The following SGCA variants were observed in gnomAD, a reference collection of about 807,000 sequenced individuals.
The protein encoded by SGCA is sarcoglycan alpha, also known as alpha-sarcoglycan.
A neutral mutation model predicts 38.1 loss-of-function variants in SGCA; 34 were observed. That is an observed-to-expected ratio of 0.89 (90% CI 0.68 to 1.19). The LOEUF (loss-of-function observed/expected upper bound fraction) is 1.19. Among genes scored for constraint, SGCA ranks in the 50% most tolerant of loss-of-function variants. SGCA has a pLI of 0.00. For synonymous variants in SGCA, 209 were observed against 214.6 expected, an observed-to-expected ratio of 0.97 and a Z score of 0.23; for missense variants, 476 against 524.9, an observed-to-expected ratio of 0.91 and a Z score of 0.91.
chr17:50,175,749 C>T lies in SGCA; in HGVS notation c.*50C>T. The T allele has an allele frequency of 1.7e-6, 1 of 577,108 alleles. No homozygotes were observed. The highest frequency in any genetic ancestry group is 1.5e-5 in the South Asian group (1 of 65,632). The allele number at this position is 577,108 out of a possible 1,614,324, so 35.7% of individuals were successfully genotyped here. A position where few individuals can be genotyped will look rare whatever the true frequency, so the allele number is the denominator to read the frequency against. On this transcript the variant is annotated 3_prime_UTR_variant, in exon 10 of 10. Coordinates refer to ENST00000262018, the MANE Select transcript of SGCA (RefSeq NM_000023.4). Reference sequence around the variant, plus strand: ...CAGCCCTGACTTCATCCTCCCTTCTCTGTCCACACCACGAGTGGCACATCC... The same window carrying T: ...CAGCCCTGACTTCATCCTCCCTTCTTTGTCCACACCACGAGTGGCACATCC...
Position 50,167,685 on chromosome 17 carries a change from C to A in SGCA, c.261C>A (p.Gly87=). The A allele has an allele frequency of 1.2e-6, 2 of 1,613,852 alleles. No homozygotes were observed. The highest frequency in any genetic ancestry group is 2.2e-5 in the South Asian group (2 of 91,070). ...RYTQRSPHHP[G]FLYGSATPED... is the part of the protein sequence containing the mutation. ...CCCAGCGCAGCCCCCACCACCCTGG[C>A]TTCCTCTACGGCTCTGCCACCCCAG... Residue 87 remains glycine (G), a synonymous_variant, in exon 3 of 10, where the codon GGC becomes GGA. Coordinates refer to ENST00000262018, the MANE Select transcript of SGCA (RefSeq NM_000023.4). This position sits in a 1 kb window ranked among gnomAD's most constrained non-coding sequence, Gnocchi z 4.5.
At chr17:50,166,937 A>G (rs1291413929) in intron 1 of SGCA, among the ~76,000 whole-genome samples, 8 of 82,524 alleles carry the variant, frequency 9.7e-5, no homozygotes, top group Admixed American at 1.6e-4. Context: ...TCACACACAC[A>G]CACCCTCACA....
rs138019537 is a variant in SGCA at position 50,170,159 on chromosome 17, C to T, written c.764C>T (p.Pro255Leu). 9.9e-5 allele frequency: 159 copies of T among 1,614,070 alleles called. No homozygotes were observed. The Admixed American group carries it at 1.2e-3, about 12-fold the overall frequency. The change falls in exon 7 of 10, where the codon CCG becomes CTG. Residue 255 changes from proline to leucine, a missense_variant. Coordinates refer to ENST00000262018, the MANE Select transcript of SGCA (RefSeq NM_000023.4). ...CNVTLVDKSV[P>L]EPADEVPTPG... ...TCTGTGCAGGTGGATAAGTCAGTGC[C>T]GGAGCCTGCAGATGAGGTGCCCACC...
rs1197751622 is a variant in SGCA at position 50,168,433 on chromosome 17, C to T, written c.445C>T (p.Leu149=). ...GCGCAGCCACGATGCGGAGGAGGTG[C>T]TGCCCTCAACACCTGCCAGCCGCTT... is the stretch of plus-strand genomic sequence containing the variant. The part of the protein sequence containing the change: ...LVRSHDAEEV[L]PSTPASRFLS... The change falls in exon 5 of 10, where the codon CTG becomes TTG. Residue 149 remains leucine, a synonymous_variant. Transcript: ENST00000262018. The T allele has an allele frequency of 4.4e-6, 7 of 1,590,764 alleles. No homozygotes were observed. The highest frequency in any genetic ancestry group is 1.3e-5 in the African/African-American group (1 of 74,630).
intron 8 of SGCA, among the ~76,000 whole-genome samples, chr17:50,173,501 G>C (rs1232607444): frequency 6.6e-6 from 1 of 152,132 alleles, no homozygotes; most frequent in Non-Finnish European, 1.5e-5. Context: ...GCCACTGCGG[G>C]GTCTGGCCTC....
chr17:50,170,400 C>A (rs2144501506), intron 7 of SGCA, 49 bp downstream of exon 7: 1 of 1,548,458 alleles, frequency 6.5e-7, no homozygotes, highest in South Asian at 1.1e-5. Flanking sequence ...AGCTCACACC[C>A]ATGGGACTCA....
Position 50,167,325 on chromosome 17 carries a change from C to T in SGCA, c.38-43C>T. On this transcript the variant is annotated intron_variant, in intron 1 of 9. Coordinates refer to ENST00000262018, the MANE Select transcript of SGCA (RefSeq NM_000023.4). The surrounding 1 kb of genome is among the most constrained non-coding windows in gnomAD (Gnocchi z 4.5). Reference sequence around the variant, plus strand: ...AAGGGAGCTTATCCCCTGCCCAGGACTGAGGCTGGCCTGTGTGTTTGGGAC... The same window carrying T: ...AAGGGAGCTTATCCCCTGCCCAGGATTGAGGCTGGCCTGTGTGTTTGGGAC... 1.2e-6 allele frequency: 2 copies of T among 1,613,622 alleles called. No homozygotes were observed. Among genetic ancestry groups the T allele is most frequent in the Non-Finnish European group, 1.7e-6 (2 of 1,179,914 alleles).
rs371240005 is a variant in SGCA, at chr17:50,170,379, G to T, written c.956+28G>T. On this transcript the variant is annotated intron_variant, in intron 7 of 9. Coordinates refer to ENST00000262018, the MANE Select transcript of SGCA (RefSeq NM_000023.4). ...GAATGTGGGCATGAAGGGCGGGGGAGCACCTGCTGGAGCTCACACCCATGG... is the reference window on the plus strand; with the variant it reads ...GAATGTGGGCATGAAGGGCGGGGGATCACCTGCTGGAGCTCACACCCATGG... 24 of 1,598,930 alleles carry T rather than the reference G, an allele frequency of 1.5e-5. No individual in the cohort carries two copies. The African/African-American group carries it at 2.7e-4, about 18-fold the overall frequency.
In SGCA at chr17:50,167,483, T is replaced by C; in HGVS notation, c.153T>C (p.His51=). The change falls in exon 2 of 10, where the codon CAT becomes CAC. Residue 51 remains histidine (H), a synonymous_variant. Transcript: ENST00000262018. This position sits in a 1 kb window ranked among gnomAD's most constrained non-coding sequence, Gnocchi z 4.5. ...AGACGTTTCTGAGCCTTCCTGAGCA[T>C]GTCGGTGAGCGGCCTGACAGGCACC... ...DHETFLSLPE[H]VAVPPAVHIT... 1.2e-6 allele frequency: 2 copies of C among 1,614,164 alleles called. No homozygotes were observed. The highest frequency in any genetic ancestry group is 1.7e-6 in the Non-Finnish European group (2 of 1,180,014).
Position 50,167,980 on chromosome 17 carries a change from A to ACTCGG in SGCA, c.348_352dup (p.Gln118LeufsTer95), listed in dbSNP as rs752640127. The stretch of plus-strand genomic sequence containing the variant: ...CTACAATCGGGACAGCTTTGATACC[A>ACTCGG]CTCGGCAGAGGCTGGTGCTGGAGAT... On this transcript the variant is annotated frameshift_variant, in exon 4 of 10. Coordinates refer to ENST00000262018, the MANE Select transcript of SGCA (RefSeq NM_000023.4). LOFTEE classifies it high-confidence loss of function. The surrounding 1 kb of genome is among the most constrained non-coding windows in gnomAD (Gnocchi z 4.5). 3.8e-5 allele frequency: 61 copies of ACTCGG among 1,613,836 alleles called. No homozygotes were observed. Among genetic ancestry groups the ACTCGG allele is most frequent in the Non-Finnish European group, 4.9e-5 (58 of 1,180,040 alleles).
intron 7 of SGCA, 31 bp downstream of exon 7, chr17:50,170,382 C>T: frequency 1.3e-6 from 2 of 1,593,362 alleles, no homozygotes. Context: ...CGGGGGAGCA[C>T]CTGCTGGAGC....
intron 4 of SGCA, among the ~76,000 whole-genome samples, 157 bp from the exon 5 acceptor site, chr17:50,168,217 C>T (rs1905090633): frequency 6.6e-6 from 1 of 152,196 alleles, no homozygotes; most frequent in South Asian, 2.1e-4. Context: ...CGCTGCGTTG[C>T]AGAGACTATT....
chr17:50,166,106 GC>G (rs1904778203), intron 1 of SGCA, 29 bp downstream of exon 1: 1 of 1,593,420 alleles, frequency 6.3e-7, no homozygotes, highest in Non-Finnish European at 8.6e-7. Context: ...CAGCGGGGAG[GC>G]CCAGGATGAG....
intron 4 of SGCA, 93 bp downstream of exon 4, chr17:50,168,112 G>A (rs1905082332): frequency 8.3e-7 from 1 of 1,199,430 alleles, no homozygotes; most frequent in Non-Finnish European, 1.2e-6. Flanking sequence ...GGAGAGGCTT[G>A]GAGAGGAGTG....
chr17:50,171,075 A>G (rs112486992), intron 8 of SGCA, among the ~76,000 whole-genome samples: 1,591 of 152,246 alleles, frequency 0.01, 31 homozygotes, highest in African/African-American at 0.036. Flanking sequence ...CAAAAAAGAA[A>G]AGCCTGTTGT....
At chr17:50,171,352 G>A in intron 8 of SGCA, 1 of 365,952 alleles carries the variant, frequency 2.7e-6, no homozygotes, top group South Asian at 2.0e-5. Flanking sequence ...CCCTACTCAT[G>A]GCCTTACCCC....
chr17:50,175,744 C>T lies in SGCA; in HGVS notation c.*45C>T. Reference sequence around the variant, plus strand: ...AGGTCCAGCCCTGACTTCATCCTCCCTTCTCTGTCCACACCACGAGTGGCA... The same window carrying T: ...AGGTCCAGCCCTGACTTCATCCTCCTTTCTCTGTCCACACCACGAGTGGCA... On this transcript the variant is annotated 3_prime_UTR_variant, in exon 10 of 10. Transcript: ENST00000262018. 2 of 586,430 alleles carry T rather than the reference C, an allele frequency of 3.4e-6. No individual in the cohort carries two copies. The highest frequency in any genetic ancestry group is 6.4e-6 in the Non-Finnish European group (2 of 310,888). The allele number at this position is 586,430 out of a possible 1,614,324, so 36.3% of individuals were successfully genotyped here. A position where few individuals can be genotyped will look rare whatever the true frequency, so the allele number is the denominator to read the frequency against.
chr17:50,166,672 A>G (rs573657824), intron 1 of SGCA, among the ~76,000 whole-genome samples: 1 of 144,130 alleles, frequency 6.9e-6, no homozygotes, highest in Non-Finnish European at 1.5e-5. Flanking sequence ...TCACACACAC[A>G]CACACCCACA....
intron 8 of SGCA, chr17:50,171,779 G>A (rs746575666): frequency 4.4e-6 from 2 of 456,650 alleles, no homozygotes; most frequent in Non-Finnish European, 8.8e-6. Flanking sequence ...GGCATTTCGG[G>A]CCATGTCGTA....
Sources: gnomAD v4.1 joint callset for allele counts (sites outside exome capture counted in the v4.1 genomes callset) on GRCh38, gnomAD v4.1.1 for gene constraint, Gnocchi (gnomAD v3.1) non-coding constraint, MANE v1.5 for transcripts, NCBI Gene and HGNC (gene_info 2026-07-23, HGNC 2026-07-21) for gene names.